Variants in TMCO5A observed in about 807,000 individuals in gnomAD.
The protein encoded by TMCO5A is transmembrane and coiled-coil domain-containing protein 5A.
In TMCO5A, 34 loss-of-function variants were observed where a neutral mutation model predicts 42.3. That is an observed-to-expected ratio of 0.80 (90% confidence interval 0.61 to 1.07). The LOEUF (loss-of-function observed/expected upper bound fraction) is 1.07, where lower values mean the gene tolerates loss of function less well. TMCO5A is among the 50% of genes least tolerant of loss of function. TMCO5A has a pLI of 0.00. For missense variants in TMCO5A, 357 were observed against 327.9 expected, an observed-to-expected ratio of 1.09 and a Z score of -0.69; for synonymous variants, 131 against 115.6, an observed-to-expected ratio of 1.13 and a Z score of -0.86.
the TMCO5A span, among the ~76,000 whole-genome samples, chr15:38,031,559 G>C: frequency 6.6e-6 from 1 of 152,194 alleles, no homozygotes; most frequent in African/African-American, 2.4e-5. Context: ...TGGTGAGGAA[G>C]CAAAGTCTCT....
chr15:38,020,149 C>T, the TMCO5A span: 2 of 152,008 alleles, frequency 1.3e-5, no homozygotes, highest in African/African-American at 4.8e-5. Flanking sequence ...CACCACCATA[C>T]TTGGCTAATA....
the TMCO5A span, among the ~76,000 whole-genome samples, chr15:38,014,644 AC>A: frequency 6.6e-6 from 1 of 151,548 alleles, no homozygotes; most frequent in Non-Finnish European, 1.5e-5. Context: ...CACATGTTCT[AC>A]CCCCGCAAGT....
chr15:38,033,275 AC>A, the TMCO5A span, among the ~76,000 whole-genome samples: 3 of 152,208 alleles, frequency 2.0e-5, no homozygotes, highest in Admixed American at 1.3e-4. Flanking sequence ...CTTCCAGAGC[AC>A]TGAGCTTCTA....
At chr15:37,982,391 A>G in the TMCO5A span, among the ~76,000 whole-genome samples, 9 of 131,188 alleles carry the variant, frequency 6.9e-5, no homozygotes, top group African/African-American at 3.0e-4. Flanking sequence ...ATTAGGTTAC[A>G]ATAATCTTAT....
intron 7 of TMCO5A, 46 bp from the exon 8 acceptor site, chr15:37,941,625 T>C (rs1183627632): frequency 1.4e-6 from 2 of 1,391,872 alleles, no homozygotes; most frequent in Non-Finnish European, 2.0e-6. Context: ...TGTGTTCTTA[T>C]AGCAATTTAC....
At chr15:37,989,910 G>A in the TMCO5A span, among the ~76,000 whole-genome samples, 2 of 152,084 alleles carry the variant, frequency 1.3e-5, no homozygotes, top group African/African-American at 4.8e-5. Context: ...TGAGGAGAGA[G>A]TTCTCCCAAA....
Position 37,936,344 on chromosome 15 carries a change from T to C in TMCO5A, c.21T>C (p.Ala7=). The C allele has an allele frequency of 6.2e-7, 1 of 1,612,414 alleles. No individual in the cohort carries two copies. Among genetic ancestry groups the C allele is most frequent in the Non-Finnish European group, 8.5e-7 (1 of 1,179,220 alleles). Reference sequence around the variant, plus strand: ...AGAAAATGGAAATCTCAAGATTGGCTCAGTCAAAAAGAAACATTATCAGTT... The same window carrying C: ...AGAAAATGGAAATCTCAAGATTGGCCCAGTCAAAAAGAAACATTATCAGTT... MEISRL[A]QSKRNIISLN... The change falls in exon 3 of 12, where the codon GCT becomes GCC. Residue 7 remains alanine, a synonymous_variant. Coordinates refer to ENST00000319669, the MANE Select transcript of TMCO5A (RefSeq NM_152453.4).
intron 6 of TMCO5A, among the ~76,000 whole-genome samples, chr15:37,940,342 A>G (rs1394821630): frequency 6.6e-6 from 1 of 151,760 alleles, no homozygotes; most frequent in African/African-American, 2.4e-5. Flanking sequence ...TGGCCACACA[A>G]CTCCCTCATA....
the TMCO5A span, among the ~76,000 whole-genome samples, chr15:38,023,888 T>G: frequency 6.6e-6 from 1 of 152,208 alleles, no homozygotes; most frequent in Non-Finnish European, 1.5e-5. Flanking sequence ...TGTTCTCTCA[T>G]GTTACCACTC....
chr15:37,976,793 C>CTTTTTTTTTTTTTTTTTTTTTTTTCT, the TMCO5A span, among the ~76,000 whole-genome samples: 1 of 116,850 alleles, frequency 8.6e-6, no homozygotes, highest in South Asian at 2.8e-4. Context: ...TTTCTTCTTT[C>CTTTTTTTTTTTTTTTTTTTTTTTTCT]TTTTTTTTTT....
the TMCO5A span, among the ~76,000 whole-genome samples, chr15:38,025,419 A>T: frequency 6.3e-3 from 962 of 152,180 alleles, 11 homozygotes; most frequent in Non-Finnish European, 0.01. Flanking sequence ...CCACCATATC[A>T]TTCCTTAAAT....
the TMCO5A span, among the ~76,000 whole-genome samples, chr15:38,012,523 C>CGTGTGT: frequency 7.4e-5 from 11 of 149,318 alleles, no homozygotes; most frequent in African/African-American, 2.2e-4. Context: ...TAGGAGTAGT[C>CGTGTGT]GTGTGTGTGT....
chr15:37,979,841 G>C, the TMCO5A span, among the ~76,000 whole-genome samples: 473 of 152,234 alleles, frequency 3.1e-3, 7 homozygotes, highest in African/African-American at 0.011. Context: ...GAGATGGCTG[G>C]GGTCCCAGGT....
At chr15:38,003,321 C>CTGGGAT in the TMCO5A span, among the ~76,000 whole-genome samples, 1 of 152,098 alleles carries the variant, frequency 6.6e-6, no homozygotes, top group Non-Finnish European at 1.5e-5. Flanking sequence ...GCTACCACAA[C>CTGGGAT]TGGGATTGTG....
chr15:38,022,521 C>G, the TMCO5A span, among the ~76,000 whole-genome samples: 2 of 152,186 alleles, frequency 1.3e-5, no homozygotes, highest in South Asian at 4.2e-4. Context: ...AGGCAGAGCA[C>G]AGAGGATTTT....
At chr15:37,980,050 C>A in the TMCO5A span, among the ~76,000 whole-genome samples, 1 of 152,186 alleles carries the variant, frequency 6.6e-6, no homozygotes, top group Non-Finnish European at 1.5e-5. Context: ...GCAGCGGGAG[C>A]TGGGAGCTGC....
At position 37,942,233 on chromosome 15, in the gene TMCO5A, G is replaced by T. The variant is rs151109515; in HGVS notation, c.547G>T (p.Ala183Ser). ...GAAGAAAATAGAAGAAGAACTAGAG[G>T]CTCTGTTCCTTGAGAGAGAAGTGTG... ...TLKKIEEELE[A>S]LFLEREVSKL... Residue 183 changes from alanine to serine, a missense_variant, in exon 9 of 12, where the codon GCT becomes TCT. By Grantham distance (99) the Ala-to-Ser change is moderately conservative. Transcript: ENST00000319669. 5 of 1,612,896 alleles carry T rather than the reference G, an allele frequency of 3.1e-6. No homozygotes were observed. In the South Asian group the frequency reaches 4.4e-5, roughly 14 times the overall value.
In TMCO5A at chr15:37,951,266, G is replaced by A. The variant is rs1413960677; in HGVS notation, c.*32G>A. ...AAGAAATATCCTTGAGCAATAGAAG[G>A]GAAGTGGGATCCGAGCCTGTAGAAG... On this transcript the variant is annotated 3_prime_UTR_variant, in exon 12 of 12. Coordinates refer to ENST00000319669, the MANE Select transcript of TMCO5A (RefSeq NM_152453.4). 1.9e-6 allele frequency: 3 copies of A among 1,602,436 alleles called. No individual in the cohort carries two copies. The highest frequency in any genetic ancestry group is 1.3e-5 in the African/African-American group (1 of 74,660).
chr15:37,988,961 T>C, the TMCO5A span, among the ~76,000 whole-genome samples: 1 of 151,996 alleles, frequency 6.6e-6, no homozygotes, highest in Non-Finnish European at 1.5e-5. Flanking sequence ...AGTGATGCCA[T>C]CAGGCCCAGG....
Sources: allele counts gnomAD v4.1 joint callset (sites outside exome capture counted in the v4.1 genomes callset), GRCh38; gene constraint gnomAD v4.1.1; transcripts MANE v1.5; gene names NCBI Gene and HGNC (gene_info 2026-07-23, HGNC 2026-07-21).